GOLGA3: variants seen among roughly 807,000 people sequenced by gnomAD.
The protein encoded by GOLGA3 is golgin subfamily A member 3.
In GOLGA3, 75 loss-of-function variants were observed where a neutral mutation model predicts 169.4. That is an observed-to-expected ratio of 0.44 (90% CI 0.37 to 0.54). GOLGA3 has a LOEUF of 0.54. GOLGA3 is among the 20% of genes least tolerant of loss of function. The pLI, the probability that GOLGA3 is intolerant of heterozygous loss-of-function variation, is 0.00. For missense variants in GOLGA3, 1,899 were observed against 1,930.0 expected (o/e 0.98, Z 0.30); for synonymous variants, 824 against 822.4 (o/e 1.00, Z -0.03).
intron 21 of GOLGA3, among the ~76,000 whole-genome samples, chr12:132,775,537 T>C (rs1370757049): frequency 6.6e-6 from 1 of 152,216 alleles, no homozygotes; most frequent in Non-Finnish European, 1.5e-5. Context: ...TTTGAAATGT[T>C]CCAATGATCA....
chr12:132,811,201 G>A (rs1317212313), intron 4 of GOLGA3, among the ~76,000 whole-genome samples: 1 of 149,992 alleles, frequency 6.7e-6, no homozygotes, highest in African/African-American at 2.4e-5. Flanking sequence ...GGTGGTAGTG[G>A]TCCCCCCGGC....
At chr12:132,808,798 G>A (rs1328702662) in intron 4 of GOLGA3, among the ~76,000 whole-genome samples, 2 of 152,146 alleles carry the variant, frequency 1.3e-5, no homozygotes, top group East Asian at 3.9e-4. Flanking sequence ...CAGTGACTGT[G>A]ACCTCAACAC....
intron 18 of GOLGA3, among the ~76,000 whole-genome samples, chr12:132,779,222 G>A (rs1487760685): frequency 2.0e-5 from 3 of 152,090 alleles, no homozygotes; most frequent in Non-Finnish European, 2.9e-5. Flanking sequence ...TGGGACTACA[G>A]GCATGTGCCA....
At chr12:132,796,354 G>C (rs1257343317) in intron 10 of GOLGA3, 134 bp from the exon 11 acceptor site, 7 of 1,244,498 alleles carry the variant, frequency 5.6e-6, no homozygotes, top group Non-Finnish European at 6.6e-6. Context: ...TCCTGGTATA[G>C]AAGAACCAGC....
intron 9 of GOLGA3, among the ~76,000 whole-genome samples, chr12:132,796,967 G>T (rs568826703): frequency 6.6e-6 from 1 of 152,200 alleles, no homozygotes; most frequent in Non-Finnish European, 1.5e-5. Flanking sequence ...CGACTTTCTC[G>T]TGTGGCGACA....
Position 132,772,178 on chromosome 12 carries a change from CCAA to C in GOLGA3, c.*924_*926del, listed in dbSNP as rs964002651. The C allele has an allele frequency of 6.6e-6, 1 of 152,084 alleles. No individual in the cohort carries two copies. The highest frequency in any genetic ancestry group is 2.4e-5 in the African/African-American group (1 of 41,376). The allele number at this position is 152,084 out of a possible 1,614,324, so 9.4% of individuals were successfully genotyped here. On this transcript the variant is annotated 3_prime_UTR_variant, in exon 24 of 24. Transcript: ENST00000450791. ...CCTAAATCCTGCAGGTAAATTATTC[CCAA>C]CAAATTTTCAAAAGGCAATCAATAA...
At chr12:132,786,831 C>A (rs779849953) in intron 13 of GOLGA3, 44 bp from the exon 14 acceptor site, 6 of 1,299,222 alleles carry the variant, frequency 4.6e-6, no homozygotes, top group Non-Finnish European at 6.7e-6. Context: ...CTGCCACCCC[C>A]AGCCTGTCTC....
chr12:132,802,157 C>T (rs1362792724), intron 7 of GOLGA3, among the ~76,000 whole-genome samples, 188 bp from the exon 8 acceptor site: 1 of 152,272 alleles, frequency 6.6e-6, no homozygotes, highest in African/African-American at 2.4e-5. Flanking sequence ...AGAGATGCCG[C>T]TCCTGGCAGA....
chr12:132,783,600 A>C (rs1030951722), intron 16 of GOLGA3, among the ~76,000 whole-genome samples: 1 of 151,860 alleles, frequency 6.6e-6, no homozygotes, highest in Non-Finnish European at 1.5e-5. Flanking sequence ...TTTTTTTGAG[A>C]CGGAGTCTCA....
intron 18 of GOLGA3, among the ~76,000 whole-genome samples, chr12:132,778,684 CAGG>C (rs1376627995): frequency 6.6e-6 from 1 of 151,498 alleles, no homozygotes; most frequent in African/African-American, 2.4e-5. Flanking sequence ...GTCATCAGGT[CAGG>C]AGATTGAGAC....
At chr12:132,822,478 T>C (rs1215976586) in intron 1 of GOLGA3, among the ~76,000 whole-genome samples, 167 bp from the exon 2 acceptor site, 2 of 152,244 alleles carry the variant, frequency 1.3e-5, no homozygotes, top group Non-Finnish European at 2.9e-5. Flanking sequence ...GTTTTGAGGC[T>C]AAGATGCTGA....
rs901836070 is a variant in GOLGA3 at position 132,774,139 on chromosome 12, C to G, written c.4307+18G>C. 3 of 1,558,534 alleles carry G rather than the reference C, an allele frequency of 1.9e-6. No individual in the cohort carries two copies. The highest frequency in any genetic ancestry group is 2.6e-6 in the Non-Finnish European group (3 of 1,151,924). ...ATCTTTAAGACTAGCTGAAGTGCAG[C>G]ACGGAATACGGTCGTACTTGAGCTG... is the stretch of plus-strand genomic sequence containing the variant. On this transcript the variant is annotated intron_variant, in intron 23 of 23. Coordinates refer to ENST00000450791, the MANE Select transcript of GOLGA3 (RefSeq NM_001389683.1).
chr12:132,798,496 A>C lies in GOLGA3; in HGVS notation c.1801-19T>G. The C allele has an allele frequency of 6.3e-7, 1 of 1,583,936 alleles. No individual in the cohort carries two copies. Among genetic ancestry groups the C allele is most frequent in the Non-Finnish European group, 8.5e-7 (1 of 1,171,672 alleles). ...GTCCAACCTTAAAAAAAAAACCCAC[A>C]AAGTAAAAAGTTGCTCAATTTCAAG... On this transcript the variant is annotated intron_variant, in intron 8 of 23. Transcript: ENST00000450791.
intron 15 of GOLGA3, 41 bp from the exon 16 acceptor site, chr12:132,784,348 GCCCTGACCCC>G: frequency 1.3e-6 from 2 of 1,539,154 alleles, no homozygotes; most frequent in Non-Finnish European, 1.8e-6. Context: ...CATGGGACAG[GCCCTGACCCC>G]CCTCACTTCC....
chr12:132,773,446 CT>C, intron 23 of GOLGA3, 152 bp from the exon 24 acceptor site: 2 of 437,102 alleles, frequency 4.6e-6, no homozygotes, highest in South Asian at 5.8e-5. Context: ...CTCAGCTGTT[CT>C]CAGCACCGTT....
intron 9 of GOLGA3, among the ~76,000 whole-genome samples, chr12:132,798,029 C>G (rs995632138): frequency 2.6e-5 from 4 of 152,216 alleles, no homozygotes; most frequent in Admixed American, 2.6e-4. Context: ...GGGCCCAGGC[C>G]CAAGGCGGGG....
At chr12:132,779,495 T>C (rs1455291372) in intron 18 of GOLGA3, among the ~76,000 whole-genome samples, 1 of 152,236 alleles carries the variant, frequency 6.6e-6, no homozygotes. Context: ...GAAAAGTTCT[T>C]AAAGGTTGTG....
At chr12:132,825,796 G>C in intron 1 of GOLGA3, 1 of 1,281,288 alleles carries the variant, frequency 7.8e-7, no homozygotes, top group Non-Finnish European at 1.1e-6. Flanking sequence ...GCAAGGAGAA[G>C]CTCCTGCGGT....
In GOLGA3 at chr12:132,784,133, G is replaced by A. The variant is rs145340809; in HGVS notation, c.3267+31C>T. The A allele has an allele frequency of 5.5e-4, 877 of 1,602,384 alleles. 2 individuals are homozygous for A. Among genetic ancestry groups the A allele is most frequent in the African/African-American group, 4.1e-3 (304 of 75,048 alleles). On this transcript the variant is annotated intron_variant, in intron 16 of 23. Coordinates refer to ENST00000450791, the MANE Select transcript of GOLGA3 (RefSeq NM_001389683.1). ...CCAGGGCTCACGTGACCTGCCCCACGCTGCCGCCACAGCAGATGGCCAGGC... is the reference window on the plus strand; with the variant it reads ...CCAGGGCTCACGTGACCTGCCCCACACTGCCGCCACAGCAGATGGCCAGGC...
Sources: allele counts gnomAD v4.1 joint callset (sites outside exome capture counted in the v4.1 genomes callset), GRCh38; gene constraint gnomAD v4.1.1; transcripts MANE v1.5; gene names NCBI Gene and HGNC (gene_info 2026-07-23, HGNC 2026-07-21).